The following MAN1C1 variants were observed in gnomAD, a reference collection of about 807,000 sequenced individuals.
MAN1C1 encodes mannosyl-oligosaccharide 1,2-alpha-mannosidase IC.
In MAN1C1, 49 loss-of-function variants were observed where a neutral mutation model predicts 71.5. The ratio of observed to expected loss-of-function variants is 0.69; its 90% CI spans 0.54 to 0.87. The LOEUF (loss-of-function observed/expected upper bound fraction) is 0.87. Among genes scored for constraint, MAN1C1 ranks in the 40% least tolerant of loss-of-function variants. The pLI is 0.00. For synonymous variants in MAN1C1, 352 were observed against 343.7 expected (o/e 1.02, Z -0.27); for missense variants, 743 against 835.0 (o/e 0.89, Z 1.36).
At chr1:25,734,389 A>G (rs910665739) in intron 2 of MAN1C1, among the ~76,000 whole-genome samples, 3 of 152,232 alleles carry the variant, frequency 2.0e-5, no homozygotes, top group Non-Finnish European at 4.4e-5. Context: ...TCAGCCTTTC[A>G]AAGTACTGGG....
At chr1:25,655,156 CTAAG>C (rs1422666664) in intron 1 of MAN1C1, among the ~76,000 whole-genome samples, 1 of 152,172 alleles carries the variant, frequency 6.6e-6, no homozygotes, top group Non-Finnish European at 1.5e-5. Flanking sequence ...GAGATCCGGA[CTAAG>C]TAAGGAATTT....
chr1:25,743,999 T>C (rs546475960), intron 2 of MAN1C1, among the ~76,000 whole-genome samples: 1 of 152,286 alleles, frequency 6.6e-6, no homozygotes, highest in South Asian at 2.1e-4. Flanking sequence ...AGTCCCCCCT[T>C]GGTCTAATCT....
chr1:25,750,123 G>A (rs2047194313), intron 4 of MAN1C1, among the ~76,000 whole-genome samples: 1 of 152,208 alleles, frequency 6.6e-6, no homozygotes, highest in African/African-American at 2.4e-5. Flanking sequence ...TCCTTCCCCA[G>A]CATGGATGGT....
intron 2 of MAN1C1, among the ~76,000 whole-genome samples, chr1:25,723,061 A>G (rs990328701): frequency 1.2e-4 from 18 of 152,184 alleles, no homozygotes. Context: ...TTTCATGACA[A>G]TATACCTCAG....
chr1:25,702,292 T>C (rs1012391293), intron 2 of MAN1C1, among the ~76,000 whole-genome samples: 20 of 152,154 alleles, frequency 1.3e-4, no homozygotes, highest in African/African-American at 4.3e-4. Context: ...CCCCTGGCAG[T>C]GTGGCTTCAT....
chr1:25,618,419 C>G (rs2045150206), intron 1 of MAN1C1, 82 bp downstream of exon 1: 4 of 1,370,174 alleles, frequency 2.9e-6, no homozygotes, highest in Non-Finnish European at 4.0e-6. Context: ...ACCCCTTTCC[C>G]TTGCCTCAGT....
intron 2 of MAN1C1, among the ~76,000 whole-genome samples, chr1:25,742,662 G>A (rs1481276381): frequency 6.6e-6 from 1 of 152,194 alleles, no homozygotes; most frequent in African/African-American, 2.4e-5. Flanking sequence ...GGAGCCTTAT[G>A]AGGCAGGTCC....
Position 25,778,406 on chromosome 1 carries a change from G to A in MAN1C1, c.1477+82G>A, listed in dbSNP as rs1321394498. ...ACTGGAAAGACCGGCAGCAGTGAGC[G>A]AAGGGAGCACATGGCCTTAGGGAAG... is the stretch of plus-strand genomic sequence containing the variant. On this transcript the variant is annotated intron_variant, in intron 9 of 11. Transcript: ENST00000374332. This position sits in a 1 kb window ranked among gnomAD's most constrained non-coding sequence, Gnocchi z 5.5. The A allele has an allele frequency of 1.5e-5, 21 of 1,393,874 alleles. No individual in the cohort carries two copies. Among genetic ancestry groups the A allele is most frequent in the East Asian group, 2.4e-5 (1 of 41,534 alleles). 86.3% of individuals were successfully genotyped at this position (1,393,874 alleles called of 1,614,324 possible). A position where few individuals can be genotyped will look rare whatever the true frequency, so the allele number is the denominator to read the frequency against.
At chr1:25,653,979 A>G (rs1000736361) in intron 1 of MAN1C1, among the ~76,000 whole-genome samples, 2 of 152,188 alleles carry the variant, frequency 1.3e-5, no homozygotes, top group Non-Finnish European at 2.9e-5. Context: ...AAAGGATAGC[A>G]TCCAGGACAG....
rs988375139 is a variant in MAN1C1 at position 25,711,301 on chromosome 1, C to T, written c.637+24765C>T. Among the ~76,000 whole-genome samples, 4 of 152,284 alleles carry T rather than the reference C, an allele frequency of 2.6e-5. No individual in the cohort carries two copies. Among genetic ancestry groups the T allele is most frequent in the African/African-American group, 9.6e-5 (4 of 41,562 alleles). On this transcript the variant is annotated intron_variant, in intron 2 of 11. Transcript: ENST00000374332. The surrounding 1 kb of genome is among the most constrained non-coding windows in gnomAD (Gnocchi z 4.3). ...GACTCCATCTCTTGATGGGAACAAC[C>T]GCTAAGTCTCATGGCCAAAGTCAGG...
intron 1 of MAN1C1, among the ~76,000 whole-genome samples, chr1:25,636,069 G>A (rs2045455906): frequency 6.6e-6 from 1 of 152,124 alleles, no homozygotes; most frequent in Admixed American, 6.5e-5. Flanking sequence ...GTACGAACAG[G>A]GAGTAGGTCA....
intron 2 of MAN1C1, among the ~76,000 whole-genome samples, chr1:25,704,357 T>C (rs1335987583): frequency 2.0e-5 from 3 of 152,220 alleles, no homozygotes; most frequent in African/African-American, 7.2e-5. Flanking sequence ...GCAGTACAGA[T>C]GCTGGGAATG....
In MAN1C1 at chr1:25,666,419, G is replaced by C. The variant is rs1409977168; in HGVS notation, c.541-20021G>C. On this transcript the variant is annotated intron_variant, in intron 1 of 11. Coordinates refer to ENST00000374332, the MANE Select transcript of MAN1C1 (RefSeq NM_020379.4). The stretch of plus-strand genomic sequence containing the variant: ...CCCAGCTAGACCTGGAGTCAAATCT[G>C]AGAGCAAACGGTAGCACACATCTTT... 2.0e-5 allele frequency among the ~76,000 whole-genome samples: 3 copies of C among 152,290 alleles called. No homozygotes were observed. In the East Asian group the frequency reaches 5.8e-4, roughly 29 times the overall value.
intron 2 of MAN1C1, among the ~76,000 whole-genome samples, chr1:25,741,085 C>T (rs997344369): frequency 2.6e-5 from 4 of 151,996 alleles, no homozygotes; most frequent in African/African-American, 9.7e-5. Context: ...ATGGGATTGG[C>T]TTTCAGACAG....
chr1:25,687,247 A>G (rs554726979), intron 2 of MAN1C1, among the ~76,000 whole-genome samples: 1 of 152,290 alleles, frequency 6.6e-6, no homozygotes, highest in African/African-American at 2.4e-5. Context: ...CTCGTATTTT[A>G]TCTGCAGCCG....
chr1:25,707,632 A>T (rs1458914704), intron 2 of MAN1C1, among the ~76,000 whole-genome samples: 1 of 152,186 alleles, frequency 6.6e-6, no homozygotes, highest in Non-Finnish European at 1.5e-5. Flanking sequence ...CAGCCACTGG[A>T]CAGGACTTAC....
In MAN1C1 at chr1:25,782,565, C is replaced by T. The variant is rs771395944; in HGVS notation, c.1651-20C>T. Reference sequence around the variant, plus strand: ...GTCCCGTGTTAAGGCTGTTTTCCTCCTCCTCTTCCCCTTCCTCAGGCCTTG... The same window carrying T: ...GTCCCGTGTTAAGGCTGTTTTCCTCTTCCTCTTCCCCTTCCTCAGGCCTTG... On this transcript the variant is annotated intron_variant, in intron 10 of 11. Transcript: ENST00000374332. The surrounding 1 kb of genome is among the most constrained non-coding windows in gnomAD (Gnocchi z 4.4). The T allele has an allele frequency of 1.8e-5, 28 of 1,570,880 alleles. No homozygotes were observed. The highest frequency in any genetic ancestry group is 1.1e-4 in the African/African-American group (8 of 73,990).
chr1:25,689,180 C>G (rs1249349346), intron 2 of MAN1C1, among the ~76,000 whole-genome samples: 3 of 152,060 alleles, frequency 2.0e-5, no homozygotes, highest in Non-Finnish European at 4.4e-5. Context: ...AAAGTTCTAC[C>G]AACTCTGCCA....
chr1:25,619,742 T>C (rs141967472), intron 1 of MAN1C1, among the ~76,000 whole-genome samples: 1 of 152,310 alleles, frequency 6.6e-6, no homozygotes, highest in Non-Finnish European at 1.5e-5. Context: ...GGGCATTCAT[T>C]TCTCCCTTTC....
Sources: allele counts gnomAD v4.1 joint callset (sites outside exome capture counted in the v4.1 genomes callset), GRCh38; gene constraint gnomAD v4.1.1; non-coding constraint Gnocchi (gnomAD v3.1); transcripts MANE v1.5; gene names NCBI Gene and HGNC (gene_info 2026-07-23, HGNC 2026-07-21).